Variants in CELF2 observed in about 807,000 individuals in gnomAD.
The protein encoded by CELF2 is CUGBP Elav-like family member 2.
In CELF2, 8 loss-of-function variants were observed where a neutral mutation model predicts 62.6. The observed-to-expected ratio is 0.13, with a 90% confidence interval of 0.07 to 0.23. The LOEUF is 0.23. CELF2 is among the 10% of genes least tolerant of loss of function. The probability of loss-of-function intolerance (pLI) is 1.00; values close to 1 mark genes in which losing one functional copy is unlikely to be tolerated. For missense variants in CELF2, 333 were observed against 671.0 expected (o/e 0.50, Z 5.56); for synonymous variants, 258 against 250.0 (o/e 1.03, Z -0.30).
At chr10:11,186,579 C>T (rs1318495554) in intron 2 of CELF2, among the ~76,000 whole-genome samples, 2 of 151,922 alleles carry the variant, frequency 1.3e-5, no homozygotes, top group African/African-American at 4.8e-5. Context: ...CTTCTTTGAC[C>T]TGTGGGTTAT....
At chr10:10,999,626 A>C (rs772394111) in intron 2 of CELF2, among the ~76,000 whole-genome samples, 1 of 152,158 alleles carries the variant, frequency 6.6e-6, no homozygotes, top group Non-Finnish European at 1.5e-5. Context: ...AATTAAAAAG[A>C]GTTGTGGATG....
chr10:10,596,449 C>T, the CELF2 span, among the ~76,000 whole-genome samples: 23 of 152,302 alleles, frequency 1.5e-4, no homozygotes, highest in East Asian at 9.6e-4. Context: ...ACACTGCTTG[C>T]GTGGGGCTTG....
At chr10:11,202,346 A>G (rs1195540916) in intron 2 of CELF2, among the ~76,000 whole-genome samples, 2 of 152,226 alleles carry the variant, frequency 1.3e-5, no homozygotes, top group Non-Finnish European at 2.9e-5. Flanking sequence ...TGAATTATTT[A>G]TGTGACAAAA....
At chr10:10,495,740 G>A in the CELF2 span, among the ~76,000 whole-genome samples, 54 of 152,268 alleles carry the variant, frequency 3.5e-4, no homozygotes, top group East Asian at 8.9e-3. Context: ...ACAATGGACC[G>A]TGCCCAGGGA....
intron 8 of CELF2, among the ~76,000 whole-genome samples, chr10:11,275,772 C>T (rs559234071): frequency 1.2e-4 from 19 of 152,296 alleles, no homozygotes; most frequent in African/African-American, 4.6e-4. Context: ...CCAGTAGTAA[C>T]TGAGGTGTGG....
rs545488352 is a variant in CELF2 at position 11,292,200 on chromosome 10, G to A, written c.976+3648G>A. 8.5e-5 allele frequency among the ~76,000 whole-genome samples: 13 copies of A among 152,224 alleles called. No homozygotes were observed. In the East Asian group the frequency reaches 1.9e-3, roughly 23 times the overall value. ...CAAGGTATCCCCAGCTTCCTTGAAG[G>A]CTGTGACAAACACCAAGCTTCAAGG... On this transcript the variant is annotated intron_variant, in intron 9 of 12. Coordinates refer to ENST00000633077, the MANE Select transcript of CELF2 (RefSeq NM_001326342.2).
chr10:11,010,685 T>C lies in CELF2; in HGVS notation c.53+5245T>C, dbSNP rs1484996656. On this transcript the variant is annotated intron_variant, in intron 1 of 12. Coordinates refer to the CELF2 transcript ENST00000416382. The surrounding 1 kb of genome is among the most constrained non-coding windows in gnomAD (Gnocchi z 4.1). ...AGCCAAACACCTCCCATGAGCCATC[T>C]TGACAGTATAACTATTTAATAGTTG... Among the ~76,000 whole-genome samples, 12 of 152,248 alleles carry C rather than the reference T, an allele frequency of 7.9e-5. No individual in the cohort carries two copies.
chr10:10,506,124 C>T, the CELF2 span, among the ~76,000 whole-genome samples: 1 of 150,670 alleles, frequency 6.6e-6, no homozygotes, highest in African/African-American at 2.4e-5. Context: ...TCTTATCCCT[C>T]TTGCAACAGC....
At chr10:10,545,037 G>A in the CELF2 span, among the ~76,000 whole-genome samples, 13,271 of 152,196 alleles carry the variant, frequency 0.087, 699 homozygotes, top group East Asian at 0.18. Context: ...ACACCTCTCA[G>A]TGGGTTTTCT....
At chr10:10,671,083 C>T in the CELF2 span, among the ~76,000 whole-genome samples, 2 of 150,588 alleles carry the variant, frequency 1.3e-5, no homozygotes, top group South Asian at 4.2e-4. Context: ...GGAGGATTAC[C>T]TAAGCCTGGG....
At chr10:10,976,981 T>A (rs1350686409) in intron 2 of CELF2, among the ~76,000 whole-genome samples, 5 of 151,102 alleles carry the variant, frequency 3.3e-5, no homozygotes, top group Admixed American at 2.6e-4. Flanking sequence ...TGAGTACAGA[T>A]CCCACCTATA....
At position 11,280,305 on chromosome 10, in the gene CELF2, C is replaced by T. The variant is rs1051914856; in HGVS notation, c.841+5185C>T. On this transcript the variant is annotated intron_variant, in intron 8 of 12. Transcript: ENST00000633077. This position sits in a 1 kb window ranked among gnomAD's most constrained non-coding sequence, Gnocchi z 7.6. ...CGCGCCCCATCCAGGAGCAGGCCTG[C>T]GCCTGACACCTGTGCCCGAGAAGCC... is the stretch of plus-strand genomic sequence containing the variant. Among the ~76,000 whole-genome samples, 3 of 152,150 alleles carry T rather than the reference C, an allele frequency of 2.0e-5. No homozygotes were observed. The highest frequency in any genetic ancestry group is 4.4e-5 in the Non-Finnish European group (3 of 68,028).
At chr10:10,552,670 G>A in the CELF2 span, among the ~76,000 whole-genome samples, 1 of 152,208 alleles carries the variant, frequency 6.6e-6, no homozygotes, top group South Asian at 2.1e-4. Flanking sequence ...GAGGAGAAAA[G>A]GTATTCCTTA....
intron 2 of CELF2, among the ~76,000 whole-genome samples, chr10:10,940,266 C>T (rs1024068183): frequency 6.6e-6 from 1 of 151,990 alleles, no homozygotes; most frequent in Admixed American, 6.6e-5. Flanking sequence ...TGTTTTTTTA[C>T]AAGATTAGCA....
intron 1 of CELF2, among the ~76,000 whole-genome samples, chr10:11,142,883 C>G (rs2061593289): frequency 6.6e-6 from 1 of 151,946 alleles, no homozygotes; most frequent in Non-Finnish European, 1.5e-5. Flanking sequence ...TGGGGGGACT[C>G]AGTCCCCTCG....
chr10:10,499,220 C>T, the CELF2 span, among the ~76,000 whole-genome samples: 3 of 151,980 alleles, frequency 2.0e-5, no homozygotes, highest in African/African-American at 4.8e-5. Context: ...ACATGTGCCA[C>T]CTGCCTGGTT....
At chr10:11,202,304 A>G (rs1407122433) in intron 2 of CELF2, among the ~76,000 whole-genome samples, 1 of 152,226 alleles carries the variant, frequency 6.6e-6, no homozygotes, top group African/African-American at 2.4e-5. Context: ...TTGGAAATGA[A>G]AAGCTTATAA....
At chr10:10,509,207 G>C in the CELF2 span, among the ~76,000 whole-genome samples, 1 of 152,146 alleles carries the variant, frequency 6.6e-6, no homozygotes, top group African/African-American at 2.4e-5. Context: ...TAAAGAGTTG[G>C]AAAGGACTGG....
chr10:11,067,111 C>G (rs1005391538), intron 1 of CELF2, among the ~76,000 whole-genome samples: 6 of 152,036 alleles, frequency 3.9e-5, no homozygotes, highest in Admixed American at 2.0e-4. Context: ...TGTCTTTTAG[C>G]GACATCATCT....
Sources: allele counts gnomAD v4.1 joint callset (sites outside exome capture counted in the v4.1 genomes callset), GRCh38; gene constraint gnomAD v4.1.1; non-coding constraint Gnocchi (gnomAD v3.1); transcripts MANE v1.5; gene names NCBI Gene and HGNC (gene_info 2026-07-23, HGNC 2026-07-21).